Variants in CDK5RAP1 observed in about 807,000 individuals in gnomAD.
CDK5RAP1 encodes CDK5RAP1 mitochondrial tRNA methylthiotransferase.
CDK5RAP1 carries 62 observed loss-of-function variants against 64.5 expected under a neutral mutation model. The observed-to-expected ratio is 0.96, with a 90% confidence interval of 0.78 to 1.19. CDK5RAP1 has a LOEUF of 1.19. Among genes scored for constraint, CDK5RAP1 ranks in the 50% most tolerant of loss-of-function variants. The pLI is 0.00. For missense variants in CDK5RAP1, 657 were observed against 735.0 expected (o/e 0.89, Z 1.23); for synonymous variants, 250 against 261.9 (o/e 0.95, Z 0.44).
intron 2 of CDK5RAP1, 65 bp downstream of exon 2, chr20:33,396,696 C>G (rs1988925415): frequency 8.2e-7 from 1 of 1,214,796 alleles, no homozygotes; most frequent in Non-Finnish European, 1.2e-6. Flanking sequence ...ATAAAAGAAT[C>G]ATGCCAGGAA....
At chr20:33,364,872 C>T (rs1040162071) in intron 12 of CDK5RAP1, among the ~76,000 whole-genome samples, 1 of 151,158 alleles carries the variant, frequency 6.6e-6, no homozygotes, top group Middle Eastern at 3.2e-3. Context: ...CCGTGACCAG[C>T]CTCTTTTTTT....
At chr20:33,373,027 T>C in intron 9 of CDK5RAP1, 1 of 218,518 alleles carries the variant, frequency 4.6e-6, no homozygotes, top group Non-Finnish European at 9.0e-6. Context: ...TCCTTCCACC[T>C]CAGCCTCTTG....
chr20:33,396,924 C>T lies in CDK5RAP1; in HGVS notation c.141G>A (p.Gln47=), dbSNP rs1432850742. Residue 47 remains glutamine, a synonymous_variant, in exon 2 of 14, where the codon CAG becomes CAA. Transcript: ENST00000346416. ...TGAAATCCTTCCGAGCTCCATCCTC[C>T]TGCCTCTCTGGACTGGGACACATGG... ...SSTMCPSPER[Q]EDGARKDFSS... 2.5e-6 allele frequency: 4 copies of T among 1,614,072 alleles called. No homozygotes were observed. The African/African-American group carries it at 5.3e-5, about 22-fold the overall frequency.
At chr20:33,387,126 G>A (rs530264930) in intron 6 of CDK5RAP1, among the ~76,000 whole-genome samples, 197 bp downstream of exon 6, 1 of 151,990 alleles carries the variant, frequency 6.6e-6, no homozygotes, top group South Asian at 2.1e-4. Context: ...AATTAGCCAG[G>A]TGTGGGGGTG....
At position 33,396,973 on chromosome 20, in the gene CDK5RAP1, C is replaced by G. The variant is rs1600815574; in HGVS notation, c.92G>C (p.Arg31Thr). ...SVSWLSLRMCRAHSSLSSTMC... is the reference protein window; with the variant it reads ...SVSWLSLRMCTAHSSLSSTMC... Reference sequence around the variant, plus strand: ...GGTACTAGAGAGACTGCTGTGTGCCCTGCACATCCTCAGCGACAGCCAAGA... The same window carrying G: ...GGTACTAGAGAGACTGCTGTGTGCCGTGCACATCCTCAGCGACAGCCAAGA... Residue 31 changes from arginine to threonine, a missense_variant, in exon 2 of 14, where the codon AGG becomes ACG. Coordinates refer to ENST00000346416, the MANE Select transcript of CDK5RAP1 (RefSeq NM_016408.4). The G allele has an allele frequency of 7.4e-6, 12 of 1,614,158 alleles. No individual in the cohort carries two copies. Among genetic ancestry groups the G allele is most frequent in the Non-Finnish European group, 1.0e-5 (12 of 1,180,006 alleles).
intron 8 of CDK5RAP1, among the ~76,000 whole-genome samples, chr20:33,376,589 T>C (rs980801814): frequency 6.6e-6 from 1 of 152,224 alleles, no homozygotes; most frequent in African/African-American, 2.4e-5. Flanking sequence ...AGGAGATTAT[T>C]AGTGTCGTTT....
At position 33,372,684 on chromosome 20, in the gene CDK5RAP1, C is replaced by T. The variant is rs781655091; in HGVS notation, c.1219G>A (p.Ala407Thr). Reference protein sequence around the residue: ...EAMRRGYSREAYVELVHHIRE... With the variant: ...EAMRRGYSRETYVELVHHIRE... Reference sequence around the variant, plus strand: ...ATATGGTGAACTAACTCCACATAAGCTTCTCTTGAATATCTGCAATAAAGA... The same window carrying T: ...ATATGGTGAACTAACTCCACATAAGTTTCTCTTGAATATCTGCAATAAAGA... Residue 407 changes from alanine (A) to threonine (T), a missense_variant, in exon 10 of 14, where the codon GCT becomes ACT. Physicochemically the swap from Ala to Thr is moderately conservative, Grantham distance 58. Transcript: ENST00000346416. 5 of 1,582,476 alleles carry T rather than the reference C, an allele frequency of 3.2e-6. No individual in the cohort carries two copies. In the Admixed American group the frequency reaches 9.4e-5, roughly 30 times the overall value.
In CDK5RAP1 at chr20:33,388,555, C is replaced by CCTCTCCCT. The variant is rs1332051685; in HGVS notation, c.545-1030_545-1023dup. 6.5e-5 allele frequency among the ~76,000 whole-genome samples: 7 copies of CCTCTCCCT among 107,790 alleles called. 1 individual carries two copies. The highest frequency in any genetic ancestry group is 2.5e-4 in the African/African-American group (7 of 28,384). The allele number at this position is 107,790 out of a possible 152,430, so 70.7% of individuals were successfully genotyped here. ...CTCCCCCTCTCCCTCTCCCCCTCTC[C>CCTCTCCCT]CTCTCCCTCTCCCTCTCCCCCTCTC... is the stretch of plus-strand genomic sequence containing the variant. On this transcript the variant is annotated intron_variant, in intron 5 of 13. Transcript: ENST00000346416.
intron 5 of CDK5RAP1, among the ~76,000 whole-genome samples, chr20:33,390,046 G>A (rs987486519): frequency 6.6e-6 from 1 of 151,758 alleles, no homozygotes; most frequent in Admixed American, 6.6e-5. Flanking sequence ...GGAGGCCAAG[G>A]AGGGTGGATC....
intron 1 of CDK5RAP1, among the ~76,000 whole-genome samples, chr20:33,398,756 T>C (rs1258978735): frequency 6.6e-6 from 1 of 151,896 alleles, no homozygotes; most frequent in Non-Finnish European, 1.5e-5. Flanking sequence ...TGAGACCTCA[T>C]CTCTATAAAA....
At chr20:33,399,034 A>G (rs2146735816) in intron 1 of CDK5RAP1, among the ~76,000 whole-genome samples, 1 of 152,312 alleles carries the variant, frequency 6.6e-6, no homozygotes, top group Non-Finnish European at 1.5e-5. Context: ...CTGTGGGGAA[A>G]GAGGGTGGGA....
At chr20:33,383,741 CAAAAAA>C (rs34365439) in intron 7 of CDK5RAP1, among the ~76,000 whole-genome samples, 1 of 91,264 alleles carries the variant, frequency 1.1e-5, no homozygotes, top group African/African-American at 4.6e-5. Context: ...AACTCTGTCT[CAAAAAA>C]AAAAAAAAAA....
intron 12 of CDK5RAP1, among the ~76,000 whole-genome samples, chr20:33,363,517 T>C (rs1178392765): frequency 6.6e-6 from 1 of 152,134 alleles, no homozygotes; most frequent in Non-Finnish European, 1.5e-5. Context: ...TACTCTGAAA[T>C]GATTCAAGGG....
chr20:33,396,810 G>A lies in CDK5RAP1; in HGVS notation c.255C>T (p.Asp85=). 1 of 1,614,110 alleles carries A rather than the reference G, an allele frequency of 6.2e-7. No homozygotes were observed. The highest frequency in any genetic ancestry group is 8.5e-7 in the Non-Finnish European group (1 of 1,180,018). ...PQEKLSSEVE[D]PPPYLMMDEL... Reference sequence around the variant, plus strand: ...CATCCATCATGAGATAGGGAGGTGGGTCTTCCACTTCTGAAGACAGCTTCT... The same window carrying A: ...CATCCATCATGAGATAGGGAGGTGGATCTTCCACTTCTGAAGACAGCTTCT... Residue 85 remains aspartate (D), a synonymous_variant, in exon 2 of 14, where the codon GAC becomes GAT. Coordinates refer to ENST00000346416, the MANE Select transcript of CDK5RAP1 (RefSeq NM_016408.4).
chr20:33,392,141 C>T lies in CDK5RAP1; in HGVS notation c.544+1G>A. On this transcript the variant is annotated splice_donor_variant, in intron 5 of 13. Transcript: ENST00000346416. LOFTEE classifies it high-confidence loss of function. ...GACAAAATGTGCAAATTACCAGATA[C>T]CTAGAATTCCAATCCTCAGAGGAAC... 6.3e-7 allele frequency: 1 copy of T among 1,590,550 alleles called. No homozygotes were observed.
intron 11 of CDK5RAP1, among the ~76,000 whole-genome samples, chr20:33,369,340 G>A (rs567172938): frequency 9.3e-5 from 14 of 149,988 alleles, no homozygotes; most frequent in South Asian, 6.3e-4. Context: ...AAAATTAGCC[G>A]GGCATGGTGG....
chr20:33,381,212 G>A (rs1312446763), intron 7 of CDK5RAP1, among the ~76,000 whole-genome samples: 1 of 89,326 alleles, frequency 1.1e-5, no homozygotes, highest in African/African-American at 4.1e-5. Flanking sequence ...ACACACATAT[G>A]ACTACATTTT....
intron 1 of CDK5RAP1, among the ~76,000 whole-genome samples, chr20:33,401,063 T>C (rs1411075764): frequency 6.6e-6 from 1 of 152,228 alleles, no homozygotes; most frequent in African/African-American, 2.4e-5. Context: ...AACAACAGCG[T>C]ACAACATCCC....
intron 12 of CDK5RAP1, among the ~76,000 whole-genome samples, chr20:33,363,731 C>G (rs1438000335): frequency 6.6e-6 from 1 of 151,956 alleles, no homozygotes; most frequent in Non-Finnish European, 1.5e-5. Flanking sequence ...AACCCCATCT[C>G]TACAAAAAAT....
Sources: allele counts gnomAD v4.1 joint callset (sites outside exome capture counted in the v4.1 genomes callset), GRCh38; gene constraint gnomAD v4.1.1; transcripts MANE v1.5; gene names NCBI Gene and HGNC (gene_info 2026-07-23, HGNC 2026-07-21).